The following MAPKAP1 variants were observed in gnomAD, a reference collection of about 807,000 sequenced individuals.
MAPKAP1 encodes the protein target of rapamycin complex 2 subunit MAPKAP1.
Under a neutral mutation model 65.7 loss-of-function variants are expected in MAPKAP1, and 20 were observed. The ratio of observed to expected loss-of-function variants is 0.30; its 90% CI spans 0.21 to 0.44. The LOEUF is 0.44. Ranked by LOEUF, MAPKAP1 falls within the 20% of genes least tolerant of loss-of-function variation. MAPKAP1 has a pLI of 1.00. For missense variants in MAPKAP1, 423 were observed against 648.0 expected (o/e 0.65, Z 3.77); for synonymous variants, 222 against 244.3 (o/e 0.91, Z 0.85).
In MAPKAP1 at chr9:125,639,106, T is replaced by C. The variant is rs375538350; in HGVS notation, c.498+18545A>G. Among the ~76,000 whole-genome samples the C allele has an allele frequency of 6.6e-5, 10 of 152,220 alleles. No homozygotes were observed. The South Asian group carries it at 1.0e-3, about 16-fold the overall frequency. ...CTACAAAAAAATTCACAGGGTGTGGTGGTGCATGCCTGTAGTCCCAGCTAC... is the reference window on the plus strand; with the variant it reads ...CTACAAAAAAATTCACAGGGTGTGGCGGTGCATGCCTGTAGTCCCAGCTAC... On this transcript the variant is annotated intron_variant, in intron 4 of 11. Coordinates refer to ENST00000265960, the MANE Select transcript of MAPKAP1 (RefSeq NM_001006617.3).
At chr9:125,693,666 C>CGTATATATACACGTAT (rs1488253193) in intron 1 of MAPKAP1, among the ~76,000 whole-genome samples, 1 of 134,328 alleles carries the variant, frequency 7.4e-6, no homozygotes, top group Non-Finnish European at 1.5e-5. Flanking sequence ...CATACACACA[C>CGTATATATACACGTAT]ATATACACGT....
chr9:125,702,624 G>A (rs749279824), intron 1 of MAPKAP1, among the ~76,000 whole-genome samples: 1 of 152,134 alleles, frequency 6.6e-6, no homozygotes, highest in African/African-American at 2.4e-5. Flanking sequence ...GCCTGAAGCA[G>A]GCGGATCACT....
At chr9:125,671,665 C>A (rs1834501439) in intron 2 of MAPKAP1, among the ~76,000 whole-genome samples, 2 of 151,968 alleles carry the variant, frequency 1.3e-5, no homozygotes, top group South Asian at 4.2e-4. Context: ...GGAAAATGGG[C>A]AATAAGCTTT....
chr9:125,526,546 G>A (rs891896954), intron 7 of MAPKAP1, among the ~76,000 whole-genome samples: 6 of 152,240 alleles, frequency 3.9e-5, no homozygotes, highest in East Asian at 3.9e-4. Context: ...GTTTGAAAAC[G>A]TTTATAAGAA....
At chr9:125,553,477 G>C (rs1043504565) in intron 6 of MAPKAP1, among the ~76,000 whole-genome samples, 2 of 152,118 alleles carry the variant, frequency 1.3e-5, no homozygotes, top group African/African-American at 4.8e-5. Context: ...GGGAGGCGGA[G>C]GTTGCAGTGA....
chr9:125,593,534 C>T (rs1194205576), intron 4 of MAPKAP1, among the ~76,000 whole-genome samples: 2 of 151,604 alleles, frequency 1.3e-5, no homozygotes, highest in Non-Finnish European at 2.9e-5. Context: ...TGGTGGCGTG[C>T]GCCTGTAGTC....
At chr9:125,460,200 A>C (rs529292220) in intron 10 of MAPKAP1, among the ~76,000 whole-genome samples, 1 of 152,292 alleles carries the variant, frequency 6.6e-6, no homozygotes, top group African/African-American at 2.4e-5. Context: ...GCAAATGTAT[A>C]GAAATTTTTC....
At chr9:125,700,229 AG>A (rs1444468869) in intron 1 of MAPKAP1, among the ~76,000 whole-genome samples, 4 of 152,242 alleles carry the variant, frequency 2.6e-5, no homozygotes, top group Non-Finnish European at 4.4e-5. Flanking sequence ...TATTTTCAAA[AG>A]AAAACCATTC....
At chr9:125,633,630 G>A (rs553539144) in intron 4 of MAPKAP1, among the ~76,000 whole-genome samples, 3 of 152,142 alleles carry the variant, frequency 2.0e-5, no homozygotes, top group African/African-American at 4.8e-5. Flanking sequence ...AAAATGCAGA[G>A]GTAATTATGT....
intron 4 of MAPKAP1, among the ~76,000 whole-genome samples, chr9:125,637,294 A>C (rs1176390873): frequency 6.6e-6 from 1 of 152,082 alleles, no homozygotes; most frequent in Non-Finnish European, 1.5e-5. Flanking sequence ...TAAAAATAAA[A>C]ATAAAAAAAG....
intron 6 of MAPKAP1, among the ~76,000 whole-genome samples, chr9:125,556,165 C>A (rs1205794912): frequency 2.0e-5 from 3 of 152,222 alleles, no homozygotes; most frequent in Non-Finnish European, 4.4e-5. Context: ...CATAACTGAT[C>A]TGTGAGGTAG....
intron 5 of MAPKAP1, among the ~76,000 whole-genome samples, chr9:125,567,054 C>T (rs1200353133): frequency 6.6e-6 from 1 of 152,198 alleles, no homozygotes; most frequent in Non-Finnish European, 1.5e-5. Flanking sequence ...GTGTGTGAGT[C>T]ATGAAGCCTC....
chr9:125,576,273 T>C (rs1158368003), intron 5 of MAPKAP1, among the ~76,000 whole-genome samples: 1 of 152,176 alleles, frequency 6.6e-6, no homozygotes, highest in Non-Finnish European at 1.5e-5. Context: ...AACCCTAATG[T>C]ATAACTGCTG....
chr9:125,614,210 T>TA (rs1832682583), intron 4 of MAPKAP1, among the ~76,000 whole-genome samples: 1 of 152,244 alleles, frequency 6.6e-6, no homozygotes, highest in Non-Finnish European at 1.5e-5. Flanking sequence ...ACAAAGATCC[T>TA]AAATAAATAT....
intron 7 of MAPKAP1, among the ~76,000 whole-genome samples, chr9:125,540,517 T>C (rs1008042157): frequency 1.3e-5 from 2 of 152,168 alleles, no homozygotes; most frequent in Non-Finnish European, 2.9e-5. Context: ...AACTGGTATT[T>C]CCCCCCTTCT....
chr9:125,702,604 C>T (rs1835635217), intron 1 of MAPKAP1, among the ~76,000 whole-genome samples: 2 of 151,996 alleles, frequency 1.3e-5, no homozygotes, highest in Admixed American at 6.6e-5. Context: ...GTAATCCCAG[C>T]ACTTTGAGAG....
intron 5 of MAPKAP1, among the ~76,000 whole-genome samples, chr9:125,582,360 C>G (rs1831649932): frequency 6.6e-6 from 1 of 152,136 alleles, no homozygotes; most frequent in African/African-American, 2.4e-5. Context: ...CCAAATTCAT[C>G]TCCTGATTAT....
intron 4 of MAPKAP1, among the ~76,000 whole-genome samples, chr9:125,644,715 G>A (rs1833676283): frequency 6.6e-6 from 1 of 152,132 alleles, no homozygotes; most frequent in South Asian, 2.1e-4. Flanking sequence ...ATTGGAAACT[G>A]GTTCTATTTT....
At position 125,586,901 on chromosome 9, in the gene MAPKAP1, C is replaced by T. The variant is rs554635766; in HGVS notation, c.499-1174G>A. ...AATAATATGTGCTGCCACCACTAAG[C>T]CAGCTGCTCATCTCAACAGTCTTGA... On this transcript the variant is annotated intron_variant, in intron 4 of 11. Coordinates refer to ENST00000265960, the MANE Select transcript of MAPKAP1 (RefSeq NM_001006617.3). 9.8e-5 allele frequency among the ~76,000 whole-genome samples: 15 copies of T among 152,328 alleles called. No individual in the cohort carries two copies. The South Asian group carries it at 2.7e-3, about 27-fold the overall frequency.
Sources: gnomAD v4.1 joint callset for allele counts (sites outside exome capture counted in the v4.1 genomes callset) on GRCh38, gnomAD v4.1.1 for gene constraint, MANE v1.5 for transcripts, NCBI Gene and HGNC (gene_info 2026-07-23, HGNC 2026-07-21) for gene names.